The following GRB10 variants were observed in gnomAD, a reference collection of about 807,000 sequenced individuals.
GRB10 encodes the protein growth factor receptor bound protein 10.
Under a neutral mutation model 80.9 loss-of-function variants are expected in GRB10, and 20 were observed. That is an observed-to-expected ratio of 0.25 (90% confidence interval 0.17 to 0.36). The LOEUF is 0.36. Ranked by LOEUF, GRB10 falls within the 10% of genes least tolerant of loss-of-function variation. The pLI is 1.00. For missense variants in GRB10, 548 were observed against 747.7 expected, an observed-to-expected ratio of 0.73 and a Z score of 3.12; for synonymous variants, 291 against 291.5, an observed-to-expected ratio of 1.00 and a Z score of 0.02.
chr7:50,621,163 G>A (rs2051652040), intron 8 of GRB10, among the ~76,000 whole-genome samples: 1 of 152,228 alleles, frequency 6.6e-6, no homozygotes, highest in Non-Finnish European at 1.5e-5. Flanking sequence ...GCCCATCCTT[G>A]TGGACAATAC....
intron 5 of GRB10, among the ~76,000 whole-genome samples, chr7:50,680,699 C>A (rs1167043325): frequency 3.9e-5 from 6 of 152,178 alleles, no homozygotes; most frequent in Non-Finnish European, 7.4e-5. Flanking sequence ...CATAGTTAGA[C>A]AAAGCTAAAA....
At chr7:50,682,398 T>C (rs1179413277) in intron 5 of GRB10, among the ~76,000 whole-genome samples, 1 of 152,218 alleles carries the variant, frequency 6.6e-6, no homozygotes, top group Non-Finnish European at 1.5e-5. Flanking sequence ...GGAAAAGTCA[T>C]TAACGTGCCC....
intron 3 of GRB10, among the ~76,000 whole-genome samples, chr7:50,748,849 A>G (rs1004959182): frequency 6.6e-6 from 1 of 152,228 alleles, no homozygotes; most frequent in African/African-American, 2.4e-5. Context: ...CGTGTGCAAA[A>G]TGTAATTTCT....
chr7:50,764,279 G>A (rs1418770664), intron 2 of GRB10, among the ~76,000 whole-genome samples: 2 of 152,212 alleles, frequency 1.3e-5, no homozygotes, highest in Non-Finnish European at 2.9e-5. Context: ...CTCAGCCCTT[G>A]GCTGCCTCTT....
Position 50,667,973 on chromosome 7 carries a change from TCA to T in GRB10, c.504+1747_504+1748del, listed in dbSNP as rs1261079659. On this transcript the variant is annotated intron_variant, in intron 7 of 18. Transcript: ENST00000401949. ...AGAATGGGTAGCTCTGTAAACAACC[TCA>T]GTGACAAAACCCACAGACAGCTTGT... Among the ~76,000 whole-genome samples, 4 of 152,180 alleles carry T rather than the reference TCA, an allele frequency of 2.6e-5. No individual in the cohort carries two copies. The East Asian group carries it at 7.7e-4, about 29-fold the overall frequency.
chr7:50,645,653 C>G (rs2057060726), intron 7 of GRB10: 1 of 985,176 alleles, frequency 1.0e-6, no homozygotes, highest in African/African-American at 1.7e-5. Flanking sequence ...CCAGGCAGAT[C>G]TGAAAGCAAA....
chr7:50,649,062 A>G (rs978417050), intron 7 of GRB10, among the ~76,000 whole-genome samples: 3 of 151,978 alleles, frequency 2.0e-5, no homozygotes, highest in Admixed American at 2.0e-4. Flanking sequence ...CCCCTAGAGG[A>G]GCATCCAGAA....
chr7:50,708,604 GTGTCTGTTTCCCAGCCTCGCCCAT>G (rs1563535634), intron 4 of GRB10, among the ~76,000 whole-genome samples: 1 of 151,620 alleles, frequency 6.6e-6, no homozygotes, highest in Non-Finnish European at 1.5e-5. Context: ...GTTTGTCTGT[GTGTCTGTTTCCCAGCCTCGCCCAT>G]TGTGGGAAGG....
At chr7:50,777,003 T>G (rs1224167486) in intron 2 of GRB10, among the ~76,000 whole-genome samples, 1 of 150,444 alleles carries the variant, frequency 6.6e-6, no homozygotes, top group Non-Finnish European at 1.5e-5. Flanking sequence ...ACTTTTCTTT[T>G]AAGTATTTGC....
chr7:50,715,757 G>A (rs1487183315), intron 4 of GRB10, among the ~76,000 whole-genome samples: 2 of 152,190 alleles, frequency 1.3e-5, no homozygotes, highest in Admixed American at 6.5e-5. Flanking sequence ...TATCATGGGT[G>A]ACTTCTGAGC....
At chr7:50,779,472 T>G (rs1269304557) in intron 2 of GRB10, 1 of 152,188 alleles carries the variant, frequency 6.6e-6, no homozygotes, top group Non-Finnish European at 1.5e-5. Flanking sequence ...CATCACTATT[T>G]TATTGTTCAG....
intron 2 of GRB10, among the ~76,000 whole-genome samples, chr7:50,764,613 G>A (rs2076136554): frequency 6.6e-6 from 1 of 152,198 alleles, no homozygotes; most frequent in African/African-American, 2.4e-5. Context: ...AAGTGGCTCA[G>A]AACCCAGCCT....
intron 5 of GRB10, among the ~76,000 whole-genome samples, chr7:50,676,036 T>C (rs543625656): frequency 6.6e-6 from 1 of 152,350 alleles, no homozygotes; most frequent in Non-Finnish European, 1.5e-5. Flanking sequence ...TCTGCATTTT[T>C]AGATTTTTCG....
At chr7:50,713,561 C>T (rs562830783) in intron 4 of GRB10, among the ~76,000 whole-genome samples, 117 of 149,486 alleles carry the variant, frequency 7.8e-4, no homozygotes, top group African/African-American at 2.9e-3. Flanking sequence ...ACCTCCACCT[C>T]CTCCACCATC....
intron 3 of GRB10, among the ~76,000 whole-genome samples, chr7:50,740,878 G>C (rs2071609575): frequency 6.7e-6 from 1 of 149,672 alleles, no homozygotes; most frequent in African/African-American, 2.4e-5. Context: ...AAGGGAGCTA[G>C]AAAAGAAAAA....
chr7:50,608,102 CA>C (rs975102867), intron 13 of GRB10, among the ~76,000 whole-genome samples: 139 of 152,208 alleles, frequency 9.1e-4, no homozygotes, highest in African/African-American at 2.9e-3. Context: ...AAAAACTTTC[CA>C]AAGTTGACAA....
chr7:50,770,595 G>A (rs1480222926), intron 2 of GRB10, among the ~76,000 whole-genome samples: 1 of 152,218 alleles, frequency 6.6e-6, no homozygotes, highest in Admixed American at 6.5e-5. Context: ...AAGATACGAT[G>A]TGTCCTTGTC....
chr7:50,766,096 T>C (rs2076316211), intron 2 of GRB10, among the ~76,000 whole-genome samples: 1 of 152,240 alleles, frequency 6.6e-6, no homozygotes, highest in African/African-American at 2.4e-5. Flanking sequence ...TTCGACTATT[T>C]AAAATAAAGA....
At chr7:50,742,271 G>GCGCA (rs1189043181) in intron 3 of GRB10, among the ~76,000 whole-genome samples, 1,354 of 46,774 alleles carry the variant, frequency 0.029, 12 homozygotes, top group Non-Finnish European at 0.05. Context: ...ACGCGCGCGC[G>GCGCA]CACACACACA....
Sources: gnomAD v4.1 joint callset for allele counts (sites outside exome capture counted in the v4.1 genomes callset) on GRCh38, gnomAD v4.1.1 for gene constraint, MANE v1.5 for transcripts, NCBI Gene and HGNC (gene_info 2026-07-23, HGNC 2026-07-21) for gene names.